Variants in NXPE2 observed in about 807,000 individuals in gnomAD.
The protein encoded by NXPE2 is NXPE family member 2.
A neutral mutation model predicts 34.4 loss-of-function variants in NXPE2; 34 were observed. The ratio of observed to expected loss-of-function variants is 0.99; its 90% CI spans 0.75 to 1.31. The LOEUF (loss-of-function observed/expected upper bound fraction) is 1.31. Ranked by LOEUF, NXPE2 falls within the 40% of genes most tolerant of loss-of-function variation. NXPE2 has a pLI of 0.00. For missense variants in NXPE2, 649 were observed against 672.5 expected (o/e 0.97, Z 0.39); for synonymous variants, 235 against 231.3 (o/e 1.02, Z -0.15).
At chr11:114,551,478 T>C in the NXPE2 span, 3 of 1,046,910 alleles carry the variant, frequency 2.9e-6, no homozygotes, top group Non-Finnish European at 3.6e-6. Flanking sequence ...TAGGTTCTCT[T>C]AATGCCCTCT....
chr11:114,764,087 T>A, the NXPE2 span, among the ~76,000 whole-genome samples: 1 of 152,166 alleles, frequency 6.6e-6, no homozygotes, highest in Non-Finnish European at 1.5e-5. Flanking sequence ...TGTTTCCTCA[T>A]GGTGCAAATA....
At chr11:114,651,042 G>C in the NXPE2 span, among the ~76,000 whole-genome samples, 2 of 151,964 alleles carry the variant, frequency 1.3e-5, no homozygotes, top group South Asian at 2.1e-4. Flanking sequence ...GTGGTACATT[G>C]AAGGTAATAA....
At chr11:114,653,524 C>G in the NXPE2 span, among the ~76,000 whole-genome samples, 1 of 143,468 alleles carries the variant, frequency 7.0e-6, no homozygotes, top group Non-Finnish European at 1.5e-5. Context: ...TACCCTTGTC[C>G]TGCTTTCCCT....
chr11:114,612,724 G>A, the NXPE2 span, among the ~76,000 whole-genome samples: 4 of 151,620 alleles, frequency 2.6e-5, no homozygotes, highest in African/African-American at 9.7e-5. Context: ...GTTGCCTCGT[G>A]GGTAACCACT....
chr11:114,767,572 G>A, the NXPE2 span, among the ~76,000 whole-genome samples: 64,726 of 151,950 alleles, frequency 0.43, 14,295 homozygotes, highest in East Asian at 0.49. Context: ...TACTGAGAGT[G>A]GAGACCAGAT....
At chr11:114,807,296 T>C in the NXPE2 span, among the ~76,000 whole-genome samples, 2 of 152,000 alleles carry the variant, frequency 1.3e-5, no homozygotes, top group Non-Finnish European at 2.9e-5. Flanking sequence ...ACGAGCAAAA[T>C]AACAAGCTAA....
At chr11:114,582,833 G>T in the NXPE2 span, 1 of 1,614,186 alleles carries the variant, frequency 6.2e-7, no homozygotes, top group Non-Finnish European at 8.5e-7. Flanking sequence ...GTGTGGCGCT[G>T]GTGGTGGTGT....
chr11:114,587,678 G>A, the NXPE2 span, among the ~76,000 whole-genome samples: 2 of 152,286 alleles, frequency 1.3e-5, no homozygotes, highest in Admixed American at 6.5e-5. Flanking sequence ...CAGTTGGGGG[G>A]ATGCCCCCAC....
the NXPE2 span, among the ~76,000 whole-genome samples, chr11:114,564,596 A>C: frequency 6.6e-6 from 1 of 152,070 alleles, no homozygotes; most frequent in Admixed American, 6.5e-5. Flanking sequence ...GTGCACAGAG[A>C]GGGGGTGGTT....
At chr11:114,636,275 T>C in the NXPE2 span, among the ~76,000 whole-genome samples, 1 of 152,100 alleles carries the variant, frequency 6.6e-6, no homozygotes, top group Non-Finnish European at 1.5e-5. Context: ...TATTCTCTGA[T>C]GGTAGTTTGT....
chr11:114,724,868 C>T, the NXPE2 span, among the ~76,000 whole-genome samples: 5 of 142,076 alleles, frequency 3.5e-5, no homozygotes, highest in Non-Finnish European at 4.6e-5. Flanking sequence ...TAACCCTCCA[C>T]GTAATATTGC....
chr11:114,708,068 C>T (rs1951503268), downstream of NXPE2, among the ~76,000 whole-genome samples: 2 of 152,096 alleles, frequency 1.3e-5, no homozygotes, highest in African/African-American at 4.8e-5. Flanking sequence ...TCATCATCAC[C>T]CATAATTTGA....
chr11:114,630,313 A>T, the NXPE2 span, among the ~76,000 whole-genome samples: 430 of 151,982 alleles, frequency 2.8e-3, 3 homozygotes, highest in Non-Finnish European at 4.4e-3. Context: ...TGGTACTGGT[A>T]CCAAAATAGA....
the NXPE2 span, among the ~76,000 whole-genome samples, chr11:114,475,248 TTTTTTTTTTTTTTG>T: frequency 1.1e-5 from 1 of 91,300 alleles, no homozygotes; most frequent in African/African-American, 5.3e-5. Flanking sequence ...TTTTTTTTTT[TTTTTTTTTTTTTTG>T]AGATGGAGTC....
chr11:114,652,584 G>C, the NXPE2 span, among the ~76,000 whole-genome samples: 1 of 152,228 alleles, frequency 6.6e-6, no homozygotes, highest in Non-Finnish European at 1.5e-5. Flanking sequence ...AGTGAGTGTT[G>C]CTCGACATAT....
chr11:114,637,055 C>T, the NXPE2 span, among the ~76,000 whole-genome samples: 1 of 151,934 alleles, frequency 6.6e-6, no homozygotes, highest in Admixed American at 6.6e-5. Context: ...CTAATGTTGA[C>T]AGTGGGGTGT....
the NXPE2 span, among the ~76,000 whole-genome samples, chr11:114,491,703 T>G: frequency 1.3e-5 from 2 of 152,158 alleles, no homozygotes; most frequent in South Asian, 2.1e-4. Flanking sequence ...TAAAGACACA[T>G]GCACACGTGT....
At chr11:114,632,733 ATATATAAAATAT>A in the NXPE2 span, among the ~76,000 whole-genome samples, 2 of 59,650 alleles carry the variant, frequency 3.4e-5, no homozygotes, top group Non-Finnish European at 5.9e-5. Flanking sequence ...AATATATAAT[ATATATAAAATAT>A]ATTATAATAT....
chr11:114,629,241 C>G, the NXPE2 span, among the ~76,000 whole-genome samples: 59 of 152,206 alleles, frequency 3.9e-4, no homozygotes, highest in Admixed American at 7.2e-4. Context: ...AGACCAATAT[C>G]CTTGATGAAC....
Sources: allele counts gnomAD v4.1 joint callset (sites outside exome capture counted in the v4.1 genomes callset), GRCh38; gene constraint gnomAD v4.1.1; transcripts MANE v1.5; gene names NCBI Gene and HGNC (gene_info 2026-07-23, HGNC 2026-07-21).